The following CACNA1C variants were observed in gnomAD, a reference collection of about 807,000 sequenced individuals.
CACNA1C encodes calcium voltage-gated channel subunit alpha1 C, also known as voltage-dependent L-type calcium channel subunit alpha-1C.
In CACNA1C, 30 loss-of-function variants were observed where a neutral mutation model predicts 229.0. The ratio of observed to expected loss-of-function variants is 0.13; its 90% CI spans 0.10 to 0.18. The LOEUF (loss-of-function observed/expected upper bound fraction) is 0.18, where lower values mean the gene tolerates loss of function less well. CACNA1C is among the 10% of genes least tolerant of loss of function. The probability of loss-of-function intolerance (pLI) is 1.00; values close to 1 mark genes in which losing one functional copy is unlikely to be tolerated. For synonymous variants in CACNA1C, 1,114 were observed against 1,132.5 expected (o/e 0.98, Z 0.33); for missense variants, 1,658 against 2,845.0 (o/e 0.58, Z 9.49).
intron 18 of CACNA1C, among the ~76,000 whole-genome samples, chr12:2,589,711 A>T (rs2064302997): frequency 6.8e-6 from 1 of 147,344 alleles, no homozygotes; most frequent in Admixed American, 6.8e-5. Flanking sequence ...GAGCGGTGTG[A>T]ATAAAGAGCA....
At chr12:2,045,081 T>G (rs2050827683) in intron 1 of CACNA1C, among the ~76,000 whole-genome samples, 1 of 152,186 alleles carries the variant, frequency 6.6e-6, no homozygotes, top group African/African-American at 2.4e-5. Flanking sequence ...AAGGTGAGTT[T>G]GCCAAGAGTT....
chr12:2,098,367 A>G (rs2075128364), intron 1 of CACNA1C, among the ~76,000 whole-genome samples: 1 of 152,246 alleles, frequency 6.6e-6, no homozygotes, highest in African/African-American at 2.4e-5. Context: ...GTGAGTGTGT[A>G]GAAATAAGCT....
rs1427712797 is a variant in CACNA1C, at chr12:2,187,002, G to A, written c.477+66572G>A. 5.3e-5 allele frequency among the ~76,000 whole-genome samples: 8 copies of A among 151,978 alleles called. 1 individual carries two copies. The highest frequency in any genetic ancestry group is 4.6e-4 in the Admixed American group (7 of 15,256). On this transcript the variant is annotated intron_variant, in intron 3 of 46. Transcript: ENST00000399655. ...TGTGAGCACACCCGACCCCTTTCCT[G>A]TCCTGCTGCCCCCTTGCCTGTCCTG... is the stretch of plus-strand genomic sequence containing the variant.
intron 3 of CACNA1C, among the ~76,000 whole-genome samples, chr12:2,419,830 A>G (rs1268596868): frequency 6.6e-6 from 1 of 152,080 alleles, no homozygotes; most frequent in Non-Finnish European, 1.5e-5. Flanking sequence ...TCCAACCTCA[A>G]CCACACGGGA....
chr12:2,481,524 G>A (rs1412058728), intron 5 of CACNA1C, among the ~76,000 whole-genome samples: 6 of 152,296 alleles, frequency 3.9e-5, no homozygotes, highest in South Asian at 2.1e-4. Context: ...CCCTTTTCCC[G>A]AGCCCAGCAC....
At chr12:2,427,773 A>C (rs2099046655) in intron 3 of CACNA1C, among the ~76,000 whole-genome samples, 1 of 151,998 alleles carries the variant, frequency 6.6e-6, no homozygotes, top group Non-Finnish European at 1.5e-5. Flanking sequence ...ACACATGTAC[A>C]CCATGCCCAC....
At chr12:2,168,355 G>A (rs1054660439) in intron 3 of CACNA1C, among the ~76,000 whole-genome samples, 2 of 152,214 alleles carry the variant, frequency 1.3e-5, no homozygotes, top group African/African-American at 4.8e-5. Context: ...AAGATGAGGG[G>A]TTGAACTAGA....
In CACNA1C at chr12:2,493,780, A is replaced by G. The variant is rs114425117; in HGVS notation, c.1113+394A>G. Among the ~76,000 whole-genome samples the G allele has an allele frequency of 6.6e-6, 1 of 152,236 alleles. No individual in the cohort carries two copies. Among genetic ancestry groups the G allele is most frequent in the Non-Finnish European group, 1.5e-5 (1 of 68,038 alleles). ...CAAAAGGGAGCTAGAAGGCAGAATT[A>G]TGTATTCTTAGGGCAGAAGAGAAGA... On this transcript the variant is annotated intron_variant, in intron 7 of 46. Coordinates refer to ENST00000399655, the MANE Select transcript of CACNA1C (RefSeq NM_000719.7). The surrounding 1 kb of genome is among the most constrained non-coding windows in gnomAD (Gnocchi z 4.6).
chr12:2,462,136 A>G (rs2099510136), intron 5 of CACNA1C, among the ~76,000 whole-genome samples: 1 of 150,652 alleles, frequency 6.6e-6, no homozygotes, highest in Admixed American at 6.6e-5. Flanking sequence ...CTATTCCTCC[A>G]ACATTCCAAG....
In CACNA1C at chr12:2,686,191, A is replaced by G. The variant is rs537002656; in HGVS notation, c.5706A>G (p.Glu1902=). The change falls in exon 45 of 47, where the codon GAA becomes GAG. Residue 1902 remains glutamate, a synonymous_variant. Transcript: ENST00000399655. ...SLGRRASFHL[E]CLKRQKDRGG... Reference sequence around the variant, plus strand: ...GTCGAAGGGCCTCCTTCCACCTGGAATGTCTGAAGCGACAGAAGGACCGAG... The same window carrying G: ...GTCGAAGGGCCTCCTTCCACCTGGAGTGTCTGAAGCGACAGAAGGACCGAG... 9.4e-5 allele frequency: 152 copies of G among 1,613,960 alleles called. 1 individual carries two copies. The South Asian group carries it at 1.6e-3, about 17-fold the overall frequency.
intron 9 of CACNA1C, among the ~76,000 whole-genome samples, chr12:2,514,063 A>T (rs2099790915): frequency 6.6e-6 from 1 of 152,194 alleles, no homozygotes; most frequent in African/African-American, 2.4e-5. Context: ...AGTTTCCTAA[A>T]CACTGAGCAT....
At chr12:2,056,726 G>T (rs1322672143) in intron 1 of CACNA1C, among the ~76,000 whole-genome samples, 1 of 152,132 alleles carries the variant, frequency 6.6e-6, no homozygotes, top group Non-Finnish European at 1.5e-5. Context: ...TCTTGATCCT[G>T]CATGGAGAAA....
chr12:2,438,178 G>C (rs2099164157), intron 3 of CACNA1C, among the ~76,000 whole-genome samples: 1 of 26,340 alleles, frequency 3.8e-5, no homozygotes, highest in African/African-American at 4.5e-4. Context: ...GTGGTGGTGG[G>C]GATGGTGGGA....
intron 5 of CACNA1C, among the ~76,000 whole-genome samples, chr12:2,470,840 G>T (rs1385545497): frequency 2.6e-5 from 4 of 151,706 alleles, no homozygotes; most frequent in Admixed American, 6.6e-5. Flanking sequence ...TTCTATACTT[G>T]ATCTTTTTTT....
At chr12:2,102,203 G>A (rs1019282573) in intron 1 of CACNA1C, among the ~76,000 whole-genome samples, 5 of 152,158 alleles carry the variant, frequency 3.3e-5, no homozygotes, top group Admixed American at 3.3e-4. Flanking sequence ...CATCTTCCCC[G>A]TATACTTCTG....
chr12:2,412,207 A>G (rs2098815930), intron 3 of CACNA1C, among the ~76,000 whole-genome samples: 1 of 152,158 alleles, frequency 6.6e-6, no homozygotes, highest in Admixed American at 6.6e-5. Flanking sequence ...CAGGACGCCC[A>G]GGATACCACA....
chr12:2,166,583 A>T (rs2096245047), intron 3 of CACNA1C, among the ~76,000 whole-genome samples: 1 of 152,160 alleles, frequency 6.6e-6, no homozygotes, highest in Non-Finnish European at 1.5e-5. Flanking sequence ...TAATTTTATA[A>T]ATAACCTTCT....
chr12:1,986,804 T>C (rs2037919882), intron 1 of CACNA1C, among the ~76,000 whole-genome samples: 1 of 152,246 alleles, frequency 6.6e-6, no homozygotes, highest in Admixed American at 6.5e-5. Flanking sequence ...TCAGTGTGTC[T>C]GTTGTCATTT....
At chr12:2,506,241 G>C (rs936068622) in intron 8 of CACNA1C, among the ~76,000 whole-genome samples, 2 of 152,194 alleles carry the variant, frequency 1.3e-5, no homozygotes, top group African/African-American at 4.8e-5. Flanking sequence ...TCATTGCCTG[G>C]AAGGTAGAGA....
Sources: gnomAD v4.1 joint callset for allele counts (sites outside exome capture counted in the v4.1 genomes callset) on GRCh38, gnomAD v4.1.1 for gene constraint, Gnocchi (gnomAD v3.1) non-coding constraint, MANE v1.5 for transcripts, NCBI Gene and HGNC (gene_info 2026-07-23, HGNC 2026-07-21) for gene names.